The following SBF2 variants were observed in gnomAD, a reference collection of about 807,000 sequenced individuals.
SBF2 encodes myotubularin-related protein 13.
SBF2 carries 112 observed loss-of-function variants against 225.2 expected under a neutral mutation model. The ratio of observed to expected loss-of-function variants is 0.50; its 90% CI spans 0.43 to 0.58. The LOEUF (loss-of-function observed/expected upper bound fraction) is 0.58. Ranked by LOEUF, SBF2 falls within the 20% of genes least tolerant of loss-of-function variation. The pLI is 0.00. For missense variants in SBF2, 1,996 were observed against 2,206.2 expected (o/e 0.90, Z 1.91); for synonymous variants, 763 against 773.3 (o/e 0.99, Z 0.22).
rs56699466 is a variant in SBF2 at position 9,882,795 on chromosome 11, CAAAAAAAAAAAA to C, written c.1929+13136_1929+13147del. On this transcript the variant is annotated intron_variant, in intron 17 of 39. Coordinates refer to ENST00000256190, the MANE Select transcript of SBF2 (RefSeq NM_030962.4). ...TGCACTCCAGCCTGGGTGACAGAGT[CAAAAAAAAAAAA>C]AAAAAAAAAAAAACCACCAAAAAAA... Among the ~76,000 whole-genome samples, 22 of 90,100 alleles carry C rather than the reference CAAAAAAAAAAAA, an allele frequency of 2.4e-4. 2 individuals carry two copies. In the South Asian group the frequency reaches 6.8e-3, roughly 28 times the overall value. The allele number at this position is 90,100 out of a possible 152,430, so 59.1% of individuals were successfully genotyped here.
intron 2 of SBF2, among the ~76,000 whole-genome samples, chr11:10,161,116 C>CA (rs1336521876): frequency 7.3e-6 from 1 of 136,298 alleles, no homozygotes; most frequent in African/African-American, 2.8e-5. Context: ...GCCTGGGAGA[C>CA]AGAGTTTGCA....
intron 12 of SBF2, among the ~76,000 whole-genome samples, chr11:9,991,534 G>A (rs1947438605): frequency 6.6e-6 from 1 of 152,072 alleles, no homozygotes; most frequent in Non-Finnish European, 1.5e-5. Context: ...TTCTTTTATA[G>A]ATTTCAAGAA....
chr11:9,780,346 T>G lies in SBF2; in HGVS notation c.*72A>C. The G allele has an allele frequency of 7.6e-7, 1 of 1,321,888 alleles. No homozygotes were observed. Among genetic ancestry groups the G allele is most frequent in the Non-Finnish European group, 1.1e-6 (1 of 926,894 alleles). 81.9% of individuals were successfully genotyped at this position (1,321,888 alleles called of 1,614,324 possible). On this transcript the variant is annotated 3_prime_UTR_variant, in exon 40 of 40. Coordinates refer to ENST00000256190, the MANE Select transcript of SBF2 (RefSeq NM_030962.4). ...TAACTTGTTGTCAGCTCCTCAAGGA[T>G]CCATGCTTCTTTTTCTATCTATCTG...
chr11:10,294,134 G>C lies in SBF2; in HGVS notation c.-65C>G, dbSNP rs1964361249. 2.0e-5 allele frequency: 24 copies of C among 1,206,096 alleles called. No homozygotes were observed. In the South Asian group the frequency reaches 5.5e-4, roughly 28 times the overall value. The allele number at this position is 1,206,096 out of a possible 1,614,324, so 74.7% of individuals were successfully genotyped here. A position where few individuals can be genotyped will look rare whatever the true frequency, so the allele number is the denominator to read the frequency against. ...CGCCCTCGCCGCCGCCGCCCACCCG[G>C]CCCGGGAGGGCTCAGCATTTTCCCT... On this transcript the variant is annotated 5_prime_UTR_variant, in exon 1 of 40. Transcript: ENST00000256190.
chr11:10,155,674 ACT>A (rs2135188199), intron 2 of SBF2, among the ~76,000 whole-genome samples: 1 of 152,230 alleles, frequency 6.6e-6, no homozygotes, highest in South Asian at 2.1e-4. Flanking sequence ...ACAATTTTCA[ACT>A]CTACCTTATT....
intron 1 of SBF2, among the ~76,000 whole-genome samples, chr11:10,249,026 G>A (rs1476999568): frequency 2.6e-5 from 4 of 152,044 alleles, no homozygotes; most frequent in Non-Finnish European, 5.9e-5. Context: ...AACCTGGCAG[G>A]CAGAGCTTGT....
At chr11:10,110,683 T>C (rs1280215470) in intron 2 of SBF2, among the ~76,000 whole-genome samples, 1 of 152,138 alleles carries the variant, frequency 6.6e-6, no homozygotes, top group East Asian at 1.9e-4. Context: ...TCCATCATAT[T>C]AAGAGTTCAA....
chr11:9,808,794 G>T (rs889700468), intron 31 of SBF2, 107 bp downstream of exon 31: 16 of 847,942 alleles, frequency 1.9e-5, no homozygotes, highest in African/African-American at 1.7e-4. Flanking sequence ...GACTTTCTCT[G>T]TCCATAAACA....
At chr11:9,822,131 C>T (rs1037757944) in intron 28 of SBF2, among the ~76,000 whole-genome samples, 26 of 152,072 alleles carry the variant, frequency 1.7e-4, no homozygotes, top group Non-Finnish European at 2.6e-4. Flanking sequence ...ATTTATTCCT[C>T]ATAACTACCT....
chr11:10,139,332 T>A (rs1220482574), intron 2 of SBF2, among the ~76,000 whole-genome samples: 2 of 152,196 alleles, frequency 1.3e-5, no homozygotes, highest in Non-Finnish European at 2.9e-5. Context: ...AGTTTTTTCC[T>A]TGTGTTAGAT....
At chr11:9,970,229 C>G (rs60362241) in intron 13 of SBF2, among the ~76,000 whole-genome samples, 4,925 of 149,356 alleles carry the variant, frequency 0.033, 305 homozygotes, top group East Asian at 0.18. Context: ...TTTTTTTAGA[C>G]GCAGTCTTGC....
intron 16 of SBF2, among the ~76,000 whole-genome samples, chr11:9,951,261 G>A (rs1865845479): frequency 6.6e-6 from 1 of 152,218 alleles, no homozygotes; most frequent in African/African-American, 2.4e-5. Context: ...CAGGGGCCAA[G>A]ATAAGATCAG....
chr11:10,116,090 A>C (rs1034568401), intron 2 of SBF2, among the ~76,000 whole-genome samples: 1 of 152,068 alleles, frequency 6.6e-6, no homozygotes, highest in Non-Finnish European at 1.5e-5. Context: ...AATGGTGTGA[A>C]CCTGGGAGGC....
chr11:9,827,339 G>A (rs781737331), intron 28 of SBF2, among the ~76,000 whole-genome samples: 4 of 152,054 alleles, frequency 2.6e-5, no homozygotes, highest in Non-Finnish European at 5.9e-5. Context: ...ACCAGCCTGG[G>A]CAACATAGTA....
intron 1 of SBF2, among the ~76,000 whole-genome samples, chr11:10,243,325 C>T (rs976590446): frequency 1.3e-5 from 2 of 150,508 alleles, no homozygotes; most frequent in Admixed American, 6.6e-5. Flanking sequence ...CAGCAAAAGC[C>T]GTACTAAGAT....
rs1853967767 is a variant in SBF2, at chr11:9,808,295, C to T, written c.4258-110G>A. On this transcript the variant is annotated intron_variant, in intron 31 of 39. Transcript: ENST00000256190. Reference sequence around the variant, plus strand: ...TAGCTAATTCACAAATTTACCTGGACAGCAAATTTGTTCACTAACCATTCC... The same window carrying T: ...TAGCTAATTCACAAATTTACCTGGATAGCAAATTTGTTCACTAACCATTCC... 4.1e-6 allele frequency: 4 copies of T among 966,174 alleles called. No homozygotes were observed. The Admixed American group carries it at 6.0e-5, about 14-fold the overall frequency. The allele number at this position is 966,174 out of a possible 1,614,324, so 59.9% of individuals were successfully genotyped here.
At chr11:10,145,109 A>G (rs1202360529) in intron 2 of SBF2, among the ~76,000 whole-genome samples, 1 of 152,230 alleles carries the variant, frequency 6.6e-6, no homozygotes, top group Non-Finnish European at 1.5e-5. Context: ...TTTGCTTTAC[A>G]ACGTCCAGGG....
chr11:10,237,873 T>C (rs991524040), intron 1 of SBF2, among the ~76,000 whole-genome samples: 32 of 152,202 alleles, frequency 2.1e-4, no homozygotes, highest in African/African-American at 7.0e-4. Context: ...ATAAATGGTA[T>C]GTACTTTGGG....
chr11:10,157,517 C>T (rs1955534854), intron 2 of SBF2, among the ~76,000 whole-genome samples: 1 of 152,136 alleles, frequency 6.6e-6, no homozygotes, highest in South Asian at 2.1e-4. Context: ...GCAAACTATG[C>T]ATCCAACAAG....
Sources: gnomAD v4.1 joint callset for allele counts (sites outside exome capture counted in the v4.1 genomes callset) on GRCh38, gnomAD v4.1.1 for gene constraint, MANE v1.5 for transcripts, NCBI Gene and HGNC (gene_info 2026-07-23, HGNC 2026-07-21) for gene names.